The following KCNIP4 variants were observed in gnomAD, a reference collection of about 807,000 sequenced individuals.
The protein encoded by KCNIP4 is Kv channel-interacting protein 4.
A neutral mutation model predicts 34.0 loss-of-function variants in KCNIP4; 12 were observed. That is an observed-to-expected ratio of 0.35 (90% CI 0.23 to 0.57). KCNIP4 has a LOEUF of 0.57. Among genes scored for constraint, KCNIP4 ranks in the 20% least tolerant of loss-of-function variants. KCNIP4 has a pLI of 0.83. For missense variants in KCNIP4, 238 were observed against 311.7 expected (o/e 0.76, Z 1.78); for synonymous variants, 124 against 102.2 (o/e 1.21, Z -1.29).
At chr4:21,427,528 A>T (rs1726037663) in intron 1 of KCNIP4, among the ~76,000 whole-genome samples, 1 of 152,120 alleles carries the variant, frequency 6.6e-6, no homozygotes, top group Admixed American at 6.5e-5. Flanking sequence ...GAGAACTTCT[A>T]GGGGATACCC....
intron 1 of KCNIP4, among the ~76,000 whole-genome samples, chr4:21,644,748 A>T (rs1382441817): frequency 2.0e-5 from 3 of 151,994 alleles, no homozygotes; most frequent in Admixed American, 6.6e-5. Flanking sequence ...GTTTTGTTTC[A>T]TTTCATTTTG....
At chr4:21,083,773 TTGTG>T (rs1746198050) in intron 1 of KCNIP4, among the ~76,000 whole-genome samples, 1 of 151,962 alleles carries the variant, frequency 6.6e-6, no homozygotes, top group Non-Finnish European at 1.5e-5. Flanking sequence ...GCCAACAAGT[TTGTG>T]GTAGTTTCTT....
chr4:20,862,607 C>T (rs545906904), intron 2 of KCNIP4, among the ~76,000 whole-genome samples: 1 of 152,234 alleles, frequency 6.6e-6, no homozygotes, highest in East Asian at 1.9e-4. Context: ...AAAGGAGTGC[C>T]TCAAACTTTG....
At chr4:21,270,387 G>A (rs898962200) in intron 1 of KCNIP4, among the ~76,000 whole-genome samples, 1 of 140,460 alleles carries the variant, frequency 7.1e-6, no homozygotes, top group South Asian at 2.4e-4. Context: ...ACTCAGACTC[G>A]AGGAGTGCTG....
Position 21,784,949 on chromosome 4 carries a change from T to C in KCNIP4, c.61+163622A>G, listed in dbSNP as rs887331351. On this transcript the variant is annotated intron_variant, in intron 1 of 8. Coordinates refer to ENST00000382152, the MANE Select transcript of KCNIP4 (RefSeq NM_025221.6). ...ATGCAAACAGTCTTTTAAGCTAAAA[T>C]AGCTGATGTACAGCAGAAATTAAAT... 2.0e-5 allele frequency among the ~76,000 whole-genome samples: 3 copies of C among 152,326 alleles called. No homozygotes were observed. In the South Asian group the frequency reaches 6.2e-4, roughly 32 times the overall value.
chr4:20,902,724 T>A (rs1230750045), intron 1 of KCNIP4, among the ~76,000 whole-genome samples: 1 of 152,140 alleles, frequency 6.6e-6, no homozygotes, highest in Non-Finnish European at 1.5e-5. Flanking sequence ...TTCACCATGT[T>A]GGCCAGGCTG....
At position 21,715,072 on chromosome 4, in the gene KCNIP4, T is replaced by C. The variant is rs1367728568; in HGVS notation, c.61+233499A>G. Among the ~76,000 whole-genome samples the C allele has an allele frequency of 2.6e-5, 2 of 77,138 alleles. 1 individual carries two copies. Among genetic ancestry groups the C allele is most frequent in the Non-Finnish European group, 4.1e-5 (2 of 48,858 alleles). The allele number at this position is 77,138 out of a possible 152,430, so 50.6% of individuals were successfully genotyped here. ...TTATTTTATTTTATTTTATTTTATT[T>C]TATTTTATTTTATTTTATTTATTTT... On this transcript the variant is annotated intron_variant, in intron 1 of 8. Coordinates refer to ENST00000382152, the MANE Select transcript of KCNIP4 (RefSeq NM_025221.6).
In KCNIP4 at chr4:21,879,347, C is replaced by T. The variant is rs1185533914; in HGVS notation, c.61+69224G>A. ...ATGAACTGGAAATGTTTTGGCAGTG[C>T]TACTCACCCCTATCCCTCAGCATCC... On this transcript the variant is annotated intron_variant, in intron 1 of 8. Transcript: ENST00000382152. 2.0e-5 allele frequency among the ~76,000 whole-genome samples: 3 copies of T among 152,290 alleles called. No homozygotes were observed. In the East Asian group the frequency reaches 5.8e-4, roughly 30 times the overall value.
intron 1 of KCNIP4, among the ~76,000 whole-genome samples, chr4:21,490,147 A>G (rs1023349847): frequency 5.9e-5 from 9 of 152,194 alleles, no homozygotes; most frequent in Non-Finnish European, 1.0e-4. Context: ...TAATAATTTT[A>G]ACAGATAATT....
intron 1 of KCNIP4, among the ~76,000 whole-genome samples, chr4:21,490,899 T>A (rs16871198): frequency 2.6e-5 from 4 of 152,072 alleles, no homozygotes; most frequent in African/African-American, 9.7e-5. Flanking sequence ...ATTTAAGGAA[T>A]GTCCTCTTTG....
intron 1 of KCNIP4, among the ~76,000 whole-genome samples, chr4:21,891,746 T>C (rs1409685955): frequency 6.6e-6 from 1 of 152,186 alleles, no homozygotes; most frequent in East Asian, 1.9e-4. Context: ...TGCTGAACTC[T>C]ACCAATAATT....
intron 3 of KCNIP4, among the ~76,000 whole-genome samples, chr4:20,768,183 A>G (rs1349185339): frequency 6.6e-6 from 1 of 152,194 alleles, no homozygotes; most frequent in African/African-American, 2.4e-5. Context: ...AGAATAGGGA[A>G]TACTAAAAAT....
intron 1 of KCNIP4, among the ~76,000 whole-genome samples, chr4:21,408,255 C>T (rs910249395): frequency 3.9e-5 from 6 of 152,164 alleles, no homozygotes; most frequent in African/African-American, 9.6e-5. Context: ...TCAGAGCCTT[C>T]CCAAATTCTT....
At chr4:21,794,483 G>T (rs1720502396) in intron 1 of KCNIP4, among the ~76,000 whole-genome samples, 1 of 152,192 alleles carries the variant, frequency 6.6e-6, no homozygotes, top group Non-Finnish European at 1.5e-5. Context: ...ATCTGAGTAT[G>T]TAGAGCAATA....
chr4:21,219,198 A>T (rs545141749), intron 1 of KCNIP4, among the ~76,000 whole-genome samples: 1 of 152,240 alleles, frequency 6.6e-6, no homozygotes, highest in Non-Finnish European at 1.5e-5. Flanking sequence ...CATGTATGGA[A>T]GATCTCTGAA....
At chr4:21,563,279 CTG>C (rs1739600300) in intron 1 of KCNIP4, among the ~76,000 whole-genome samples, 1 of 151,952 alleles carries the variant, frequency 6.6e-6, no homozygotes, top group African/African-American at 2.4e-5. Context: ...TTTAAACTTT[CTG>C]TGTGTTTGAA....
intron 1 of KCNIP4, among the ~76,000 whole-genome samples, chr4:21,331,745 T>C (rs1715655466): frequency 6.6e-6 from 1 of 152,106 alleles, no homozygotes. Context: ...TCATCTATCA[T>C]GATTCAACTT....
intron 1 of KCNIP4, among the ~76,000 whole-genome samples, chr4:21,588,558 T>A (rs931700966): frequency 1.3e-5 from 2 of 152,014 alleles, no homozygotes; most frequent in African/African-American, 4.8e-5. Context: ...GAATTACCTA[T>A]ATTTCAGATA....
intron 1 of KCNIP4, among the ~76,000 whole-genome samples, chr4:21,835,825 T>C (rs1723284244): frequency 6.6e-6 from 1 of 152,154 alleles, no homozygotes; most frequent in South Asian, 2.1e-4. Context: ...ATGAGGCATA[T>C]TTGATTCAAT....
Sources: allele counts gnomAD v4.1 joint callset (sites outside exome capture counted in the v4.1 genomes callset), GRCh38; gene constraint gnomAD v4.1.1; transcripts MANE v1.5; gene names NCBI Gene and HGNC (gene_info 2026-07-23, HGNC 2026-07-21).